The following NAV2 variants were observed in gnomAD, a reference collection of about 807,000 sequenced individuals.
The protein encoded by NAV2 is neuron navigator 2, also known as helicase, APC down-regulated 1.
In NAV2, 54 loss-of-function variants were observed where a neutral mutation model predicts 223.2. The observed-to-expected ratio is 0.24, with a 90% CI of 0.19 to 0.30. The LOEUF is 0.30. Ranked by LOEUF, NAV2 falls within the 10% of genes least tolerant of loss-of-function variation. The pLI is 1.00. For missense variants in NAV2, 2,806 were observed against 3,147.5 expected (o/e 0.89, Z 2.60); for synonymous variants, 1,279 against 1,239.3 (o/e 1.03, Z -0.67).
chr11:19,773,345 C>G (rs576637980), intron 1 of NAV2, among the ~76,000 whole-genome samples: 1 of 152,124 alleles, frequency 6.6e-6, no homozygotes, highest in East Asian at 1.9e-4. Context: ...GGGGTCAGCC[C>G]CACCAGGGGC....
chr11:19,416,023 G>A (rs898986061), intron 1 of NAV2, among the ~76,000 whole-genome samples: 8 of 152,182 alleles, frequency 5.3e-5, no homozygotes, highest in African/African-American at 1.4e-4. Context: ...CATTCCCTTC[G>A]AAAACCCACA....
intron 4 of NAV2, among the ~76,000 whole-genome samples, chr11:19,876,959 T>C (rs1283099754): frequency 7.9e-6 from 1 of 127,346 alleles, no homozygotes; most frequent in Non-Finnish European, 1.8e-5. Context: ...TATTTATCAA[T>C]AAAAAATATT....
chr11:19,623,707 C>G (rs140112346), intron 1 of NAV2, among the ~76,000 whole-genome samples: 2 of 152,128 alleles, frequency 1.3e-5, no homozygotes, highest in African/African-American at 2.4e-5. Context: ...GCGATGGGTT[C>G]GAACATCCTC....
At chr11:19,490,102 T>C (rs977433038) in intron 1 of NAV2, among the ~76,000 whole-genome samples, 5 of 152,224 alleles carry the variant, frequency 3.3e-5, no homozygotes, top group African/African-American at 1.2e-4. Context: ...ACCTTAATTG[T>C]CAAATACTTT....
chr11:19,596,663 G>C (rs987630041), intron 1 of NAV2, among the ~76,000 whole-genome samples: 1 of 152,184 alleles, frequency 6.6e-6, no homozygotes. Context: ...CTTCCCAAGG[G>C]ACACAGGCAG....
chr11:19,939,156 T>C (rs1187270609), intron 7 of NAV2, among the ~76,000 whole-genome samples: 1 of 152,180 alleles, frequency 6.6e-6, no homozygotes, highest in Non-Finnish European at 1.5e-5. Context: ...ATCAGAGACC[T>C]GGAGGGCAAA....
At chr11:19,509,873 T>C (rs79703648) in intron 1 of NAV2, among the ~76,000 whole-genome samples, 1 of 144,504 alleles carries the variant, frequency 6.9e-6, no homozygotes, top group East Asian at 2.0e-4. Context: ...AAAAAAAAAA[T>C]GTTATGAGCT....
At chr11:20,106,163 A>ATG (rs2062029416) in intron 35 of NAV2, among the ~76,000 whole-genome samples, 2 of 10,100 alleles carry the variant, frequency 2.0e-4, no homozygotes, top group Non-Finnish European at 2.1e-3. Flanking sequence ...GTGTATATAT[A>ATG]TATATATATA....
intron 1 of NAV2, among the ~76,000 whole-genome samples, chr11:19,813,438 G>T (rs1346854055): frequency 6.6e-6 from 1 of 152,228 alleles, no homozygotes; most frequent in East Asian, 1.9e-4. Context: ...GGCAGCCAAA[G>T]AAACAGTGAT....
At chr11:19,876,956 C>A (rs2062873275) in intron 4 of NAV2, among the ~76,000 whole-genome samples, 1 of 131,236 alleles carries the variant, frequency 7.6e-6, no homozygotes, top group South Asian at 2.4e-4. Context: ...ATTTATTTAT[C>A]AATAAAAAAT....
chr11:20,111,393 G>T (rs1201123809), intron 36 of NAV2, among the ~76,000 whole-genome samples: 1 of 152,244 alleles, frequency 6.6e-6, no homozygotes, highest in Non-Finnish European at 1.5e-5. Flanking sequence ...CTGCAGTGGA[G>T]CTGAGGAGCT....
intron 1 of NAV2, among the ~76,000 whole-genome samples, chr11:19,778,976 G>A (rs2056514958): frequency 6.6e-6 from 1 of 152,212 alleles, no homozygotes; most frequent in Non-Finnish European, 1.5e-5. Flanking sequence ...TGATTTGCCA[G>A]GCAGGGAAAA....
intron 1 of NAV2, among the ~76,000 whole-genome samples, chr11:19,635,225 G>A (rs541955121): frequency 3.2e-4 from 48 of 152,324 alleles, no homozygotes; most frequent in Non-Finnish European, 6.5e-4. Context: ...GTGTACAGGC[G>A]ATATATGCCA....
At chr11:19,796,811 T>A (rs1393398148) in intron 1 of NAV2, among the ~76,000 whole-genome samples, 1 of 152,242 alleles carries the variant, frequency 6.6e-6, no homozygotes. Context: ...CTTCTTCCTG[T>A]GGCCTTGCTG....
intron 1 of NAV2, among the ~76,000 whole-genome samples, chr11:19,381,131 C>G (rs565544382): frequency 8.5e-5 from 13 of 152,260 alleles, no homozygotes; most frequent in African/African-American, 3.1e-4. Flanking sequence ...TGACATTCAG[C>G]CAGGCATCAC....
At chr11:19,609,958 C>T (rs145113879) in intron 1 of NAV2, among the ~76,000 whole-genome samples, 2 of 152,346 alleles carry the variant, frequency 1.3e-5, no homozygotes, top group African/African-American at 2.4e-5. Flanking sequence ...ATCCTCTCAA[C>T]AGTTTTGCAG....
chr11:19,945,633 T>C (rs916806782), intron 8 of NAV2, among the ~76,000 whole-genome samples: 1 of 152,204 alleles, frequency 6.6e-6, no homozygotes, highest in African/African-American at 2.4e-5. Flanking sequence ...CGTGAGCCAC[T>C]GCACCTGACC....
chr11:20,005,255 T>TATATATATA (rs1565747945), intron 11 of NAV2, among the ~76,000 whole-genome samples: 8 of 9,386 alleles, frequency 8.5e-4, no homozygotes, highest in Admixed American at 2.2e-3. Context: ...ATATATATAT[T>TATATATATA]TTTTTTTTTT....
chr11:19,770,743 GC>G lies in NAV2; in HGVS notation c.267+56783del, dbSNP rs1176312690. 2.0e-5 allele frequency among the ~76,000 whole-genome samples: 3 copies of G among 151,964 alleles called. No homozygotes were observed. The East Asian group carries it at 5.8e-4, about 29-fold the overall frequency. ...CTGAAACTTATTTTTTACCCTGAAC[GC>G]CTTCTATGTTTCGAGCGTTTTGAGG... On this transcript the variant is annotated intron_variant, in intron 1 of 37. Coordinates refer to ENST00000349880, the MANE Select transcript of NAV2 (RefSeq NM_145117.5).
Sources: allele counts gnomAD v4.1 joint callset (sites outside exome capture counted in the v4.1 genomes callset), GRCh38; gene constraint gnomAD v4.1.1; transcripts MANE v1.5; gene names NCBI Gene and HGNC (gene_info 2026-07-23, HGNC 2026-07-21).